Variants in VPS13B observed in about 807,000 individuals in gnomAD.
VPS13B encodes intermembrane lipid transfer protein VPS13B.
In VPS13B, 285 loss-of-function variants were observed where a neutral mutation model predicts 426.4. That is an observed-to-expected ratio of 0.67 (90% CI 0.61 to 0.74). VPS13B has a LOEUF of 0.74. Ranked by LOEUF, VPS13B falls within the 30% of genes least tolerant of loss-of-function variation. The probability of loss-of-function intolerance (pLI) is 0.00; values close to 1 mark genes in which losing one functional copy is unlikely to be tolerated. For missense variants in VPS13B, 4,537 were observed against 4,782.6 expected (o/e 0.95, Z 1.51); for synonymous variants, 1,676 against 1,676.4 (o/e 1.00, Z 0.01).
In VPS13B at chr8:99,853,945, TG is replaced by T. The variant is rs1816422602; in HGVS notation, c.10557del (p.Leu3519PhefsTer37). The T allele has an allele frequency of 6.2e-7, 1 of 1,614,234 alleles. No homozygotes were observed. The highest frequency in any genetic ancestry group is 1.1e-5 in the South Asian group (1 of 91,074). On this transcript the variant is annotated frameshift_variant, in exon 56 of 62. Transcript: ENST00000357162. LOFTEE classifies it high-confidence loss of function. The stretch of plus-strand genomic sequence containing the variant: ...ACATTTGTATACTACATCAAGACTT[TG>T]TTTGACACCTACCTTCCTAACAGCA... Reference protein sequence around the residue: ...EDTFVYYIKTLFDTYLPNSRL... With the variant: ...EDTFVYYIKTXFDTYLPNSRL...
chr8:99,172,889 A>G (rs1240304686), intron 16 of VPS13B, among the ~76,000 whole-genome samples: 1 of 152,112 alleles, frequency 6.6e-6, no homozygotes, highest in African/African-American at 2.4e-5. Flanking sequence ...GATGTTAGCT[A>G]CTTTCTGGGC....
chr8:99,383,067 T>C (rs1463056000), intron 19 of VPS13B, among the ~76,000 whole-genome samples: 3 of 152,318 alleles, frequency 2.0e-5, no homozygotes, highest in East Asian at 3.9e-4. Context: ...CAGAAACTTA[T>C]TTACAGATGT....
chr8:99,182,119 C>A (rs1327912181), intron 16 of VPS13B, among the ~76,000 whole-genome samples: 1 of 152,054 alleles, frequency 6.6e-6, no homozygotes, highest in Non-Finnish European at 1.5e-5. Context: ...ACTGAAATAA[C>A]CCTGGAGATT....
intron 41 of VPS13B, 116 bp downstream of exon 41, chr8:99,777,072 C>G: frequency 7.7e-7 from 1 of 1,305,052 alleles, no homozygotes; most frequent in Non-Finnish European, 1.1e-6. Flanking sequence ...AAGTATAAAG[C>G]GAGCAGTGGC....
At chr8:99,865,608 T>C (rs980430391) in intron 58 of VPS13B, among the ~76,000 whole-genome samples, 1 of 152,080 alleles carries the variant, frequency 6.6e-6, no homozygotes, top group Non-Finnish European at 1.5e-5. Flanking sequence ...CAGACTGGTG[T>C]GTATTATAGT....
chr8:99,835,090 T>G, intron 52 of VPS13B, 107 bp from the exon 53 acceptor site: 2 of 1,391,410 alleles, frequency 1.4e-6, no homozygotes, highest in South Asian at 2.4e-5. Context: ...ATAAAACAGA[T>G]ATTTTCGAGT....
chr8:99,551,788 T>C (rs748940982), intron 30 of VPS13B, among the ~76,000 whole-genome samples: 1 of 151,984 alleles, frequency 6.6e-6, no homozygotes, highest in Non-Finnish European at 1.5e-5. Flanking sequence ...CTCATCACAA[T>C]TTAGACATCA....
At chr8:99,106,713 A>G (rs1847068847) in intron 5 of VPS13B, among the ~76,000 whole-genome samples, 1 of 152,084 alleles carries the variant, frequency 6.6e-6, no homozygotes, top group African/African-American at 2.4e-5. Context: ...GGCCTAGATT[A>G]TTTTGCTCAA....
chr8:99,771,889 T>A lies in VPS13B; in HGVS notation c.7248-4886T>A, dbSNP rs1588698831. Among the ~76,000 whole-genome samples, 3 of 152,364 alleles carry A rather than the reference T, an allele frequency of 2.0e-5. 1 individual carries two copies. Among genetic ancestry groups the A allele is most frequent in the Admixed American group, 2.0e-4 (3 of 15,304 alleles). On this transcript the variant is annotated intron_variant, in intron 40 of 61. Transcript: ENST00000357162. ...GTTACACACTGGTATAATCCAGGATTTATCCAGAAAATTCTTTCCTTTACC... is the reference window on the plus strand; with the variant it reads ...GTTACACACTGGTATAATCCAGGATATATCCAGAAAATTCTTTCCTTTACC...
intron 3 of VPS13B, among the ~76,000 whole-genome samples, chr8:99,087,410 G>T (rs187633270): frequency 7.2e-5 from 11 of 152,192 alleles, no homozygotes; most frequent in African/African-American, 2.6e-4. Flanking sequence ...CTTCCAGGGT[G>T]AGGCAGTGCC....
chr8:99,394,140 A>C (rs1477431153), intron 21 of VPS13B, among the ~76,000 whole-genome samples: 3 of 152,096 alleles, frequency 2.0e-5, no homozygotes, highest in Non-Finnish European at 4.4e-5. Flanking sequence ...CATTGTTGTA[A>C]AATACACATT....
intron 39 of VPS13B, among the ~76,000 whole-genome samples, chr8:99,727,166 G>A (rs1207589313): frequency 1.3e-5 from 2 of 152,218 alleles, no homozygotes; most frequent in Middle Eastern, 3.4e-3. Flanking sequence ...TTAATCCCCA[G>A]TCTTTCTGAC....
intron 44 of VPS13B, among the ~76,000 whole-genome samples, chr8:99,813,293 T>A (rs9297291): frequency 9.9e-5 from 15 of 151,986 alleles, no homozygotes; most frequent in South Asian, 2.1e-4. Context: ...CAAGAGGATC[T>A]TTGTCTTTAA....
intron 3 of VPS13B, among the ~76,000 whole-genome samples, chr8:99,074,638 G>T (rs7341678): frequency 0.74 from 112,603 of 151,882 alleles, 42,391 homozygotes; most frequent in South Asian, 0.87. Flanking sequence ...CAGGTATTTT[G>T]TTGTTATTGT....
chr8:99,695,796 G>A (rs1831956032), intron 35 of VPS13B, among the ~76,000 whole-genome samples: 1 of 151,818 alleles, frequency 6.6e-6, no homozygotes. Flanking sequence ...GACCCTGAGA[G>A]AGCCTGGGTA....
chr8:99,068,633 A>T (rs1844679295), intron 3 of VPS13B, among the ~76,000 whole-genome samples: 1 of 152,212 alleles, frequency 6.6e-6, no homozygotes. Context: ...ACAGTTCTGC[A>T]TTGCTGGGGA....
At chr8:99,268,252 C>A (rs1172884237) in intron 17 of VPS13B, among the ~76,000 whole-genome samples, 4 of 152,228 alleles carry the variant, frequency 2.6e-5, no homozygotes, top group Non-Finnish European at 5.9e-5. Context: ...CCAGAGCCCC[C>A]ACACAGAGTC....
At chr8:99,480,984 T>A (rs1820003821) in intron 24 of VPS13B, among the ~76,000 whole-genome samples, 1 of 152,168 alleles carries the variant, frequency 6.6e-6, no homozygotes, top group African/African-American at 2.4e-5. Context: ...TGTGTAAATA[T>A]CTTAGGACTC....
intron 21 of VPS13B, among the ~76,000 whole-genome samples, chr8:99,399,895 T>A (rs763357561): frequency 9.9e-5 from 15 of 152,208 alleles, no homozygotes; most frequent in Non-Finnish European, 1.9e-4. Flanking sequence ...TTATTTAACA[T>A]ACATATAATG....
Sources: gnomAD v4.1 joint callset for allele counts (sites outside exome capture counted in the v4.1 genomes callset) on GRCh38, gnomAD v4.1.1 for gene constraint, MANE v1.5 for transcripts, NCBI Gene and HGNC (gene_info 2026-07-23, HGNC 2026-07-21) for gene names.